The following EXT1 variants were observed in gnomAD, a reference collection of about 807,000 sequenced individuals.
The protein encoded by EXT1 is exostosin glycosyltransferase 1.
In EXT1, 20 loss-of-function variants were observed where a neutral mutation model predicts 82.5. The ratio of observed to expected loss-of-function variants is 0.24; its 90% CI spans 0.17 to 0.35. The LOEUF (loss-of-function observed/expected upper bound fraction) is 0.35, where lower values mean the gene tolerates loss of function less well. EXT1 is among the 10% of genes least tolerant of loss of function. The pLI, the probability that EXT1 is intolerant of heterozygous loss-of-function variation, is 1.00. For synonymous variants in EXT1, 348 were observed against 350.8 expected (o/e 0.99, Z 0.09); for missense variants, 757 against 936.5 (o/e 0.81, Z 2.50).
intron 1 of EXT1, among the ~76,000 whole-genome samples, chr8:117,994,710 G>A (rs1242439256): frequency 6.6e-6 from 1 of 152,194 alleles, no homozygotes; most frequent in African/African-American, 2.4e-5. Context: ...AGCTGTTTTA[G>A]TCAATCTAGA....
At chr8:118,053,047 C>T (rs1190687903) in intron 1 of EXT1, among the ~76,000 whole-genome samples, 3 of 152,186 alleles carry the variant, frequency 2.0e-5, no homozygotes, top group Non-Finnish European at 4.4e-5. Flanking sequence ...CTGGTCTCAC[C>T]ATCATCAGAG....
intron 1 of EXT1, among the ~76,000 whole-genome samples, chr8:117,895,037 T>G (rs570078151): frequency 6.6e-6 from 1 of 152,332 alleles, no homozygotes; most frequent in African/African-American, 2.4e-5. Flanking sequence ...GTTTGCTGTA[T>G]CAAATTGTCA....
At chr8:117,855,778 C>A (rs2129843930) in intron 1 of EXT1, among the ~76,000 whole-genome samples, 1 of 152,332 alleles carries the variant, frequency 6.6e-6, no homozygotes, top group South Asian at 2.1e-4. Context: ...AAGCGATTCT[C>A]CTGCCTCAGC....
At chr8:118,037,926 C>T (rs1050411982) in intron 1 of EXT1, among the ~76,000 whole-genome samples, 1 of 150,810 alleles carries the variant, frequency 6.6e-6, no homozygotes, top group Non-Finnish European at 1.5e-5. Flanking sequence ...CTGCAACCTC[C>T]GCCTCCCGAG....
At chr8:117,932,184 C>T (rs1361081951) in intron 1 of EXT1, among the ~76,000 whole-genome samples, 1 of 152,122 alleles carries the variant, frequency 6.6e-6, no homozygotes, top group African/African-American at 2.4e-5. Context: ...GCTTTAACTT[C>T]TAAATGTTAG....
chr8:117,851,622 C>CACACACAA (rs1812456824), intron 1 of EXT1, among the ~76,000 whole-genome samples: 2 of 84,366 alleles, frequency 2.4e-5, no homozygotes, highest in African/African-American at 6.7e-5. Context: ...GCTGGACACA[C>CACACACAA]ACACACACAC....
chr8:118,111,162 C>A lies in EXT1; in HGVS notation c.-116G>T. ...CCGCCTGTAAAGACTTCAAACTCTC[C>A]GCTCCCACCTTCTCTGGATGCCTTT... On this transcript the variant is annotated 5_prime_UTR_variant, in exon 1 of 11. Coordinates refer to ENST00000378204, the MANE Select transcript of EXT1 (RefSeq NM_000127.3). The A allele has an allele frequency of 1.4e-6, 2 of 1,411,336 alleles. No individual in the cohort carries two copies. Among genetic ancestry groups the A allele is most frequent in the Non-Finnish European group, 1.9e-6 (2 of 1,034,668 alleles). 87.4% of individuals were successfully genotyped at this position (1,411,336 alleles called of 1,614,324 possible). A position where few individuals can be genotyped will look rare whatever the true frequency, so the allele number is the denominator to read the frequency against.
rs187723552 is a variant in EXT1 at position 118,037,073 on chromosome 8, G to A, written c.962+73012C>T. ...AGAAACACTGGCCTCAAAAACACTCGAGAGACAATGGGAAAGAAAATTTCA... is the reference window on the plus strand; with the variant it reads ...AGAAACACTGGCCTCAAAAACACTCAAGAGACAATGGGAAAGAAAATTTCA... On this transcript the variant is annotated intron_variant, in intron 1 of 10. Coordinates refer to ENST00000378204, the MANE Select transcript of EXT1 (RefSeq NM_000127.3). Among the ~76,000 whole-genome samples the A allele has an allele frequency of 3.3e-5, 5 of 152,188 alleles. No individual in the cohort carries two copies. In the East Asian group the frequency reaches 7.7e-4, roughly 23 times the overall value.
intron 1 of EXT1, among the ~76,000 whole-genome samples, chr8:117,856,313 G>A (rs892791677): frequency 6.7e-6 from 1 of 149,720 alleles, no homozygotes; most frequent in African/African-American, 2.5e-5. Context: ...GGAGTGCAGT[G>A]GCGTGATCTC....
At chr8:117,926,797 C>T (rs1026200749) in intron 1 of EXT1, among the ~76,000 whole-genome samples, 1 of 152,104 alleles carries the variant, frequency 6.6e-6, no homozygotes, top group African/African-American at 2.4e-5. Flanking sequence ...GTTTATTTAC[C>T]TTCTATTTGG....
chr8:117,896,438 A>G (rs1813337434), intron 1 of EXT1, among the ~76,000 whole-genome samples: 1 of 152,236 alleles, frequency 6.6e-6, no homozygotes, highest in Admixed American at 6.5e-5. Flanking sequence ...AAGATAAGGG[A>G]GGAGGGAGTG....
At chr8:118,002,748 G>A (rs1302151892) in intron 1 of EXT1, among the ~76,000 whole-genome samples, 1 of 151,754 alleles carries the variant, frequency 6.6e-6, no homozygotes, top group Non-Finnish European at 1.5e-5. Context: ...GAGCCAGGAT[G>A]GTCTCGATTT....
intron 1 of EXT1, among the ~76,000 whole-genome samples, chr8:118,013,592 G>T (rs576626659): frequency 1.3e-5 from 2 of 152,218 alleles, no homozygotes; most frequent in Admixed American, 1.3e-4. Flanking sequence ...AACAGAATGT[G>T]GCACATAGAA....
chr8:118,066,626 G>A (rs1262474366), intron 1 of EXT1, among the ~76,000 whole-genome samples: 2 of 152,156 alleles, frequency 1.3e-5, no homozygotes, highest in Non-Finnish European at 2.9e-5. Flanking sequence ...CTCGTAAATT[G>A]CTGGGATTAC....
At chr8:117,960,958 G>C (rs540569239) in intron 1 of EXT1, among the ~76,000 whole-genome samples, 45 of 152,258 alleles carry the variant, frequency 3.0e-4, no homozygotes, top group African/African-American at 1.0e-3. Flanking sequence ...GGTGATTCTA[G>C]TATCAAAAAA....
chr8:117,932,993 C>T (rs901338487), intron 1 of EXT1, among the ~76,000 whole-genome samples: 8 of 152,150 alleles, frequency 5.3e-5, no homozygotes, highest in Non-Finnish European at 1.2e-4. Flanking sequence ...CCATACTGGC[C>T]CCCTTCTGTT....
At chr8:117,847,482 C>G (rs1812381275) in intron 1 of EXT1, among the ~76,000 whole-genome samples, 1 of 152,128 alleles carries the variant, frequency 6.6e-6, no homozygotes, top group Non-Finnish European at 1.5e-5. Context: ...TTTCACCAGC[C>G]CTGACAAATA....
intron 1 of EXT1, among the ~76,000 whole-genome samples, chr8:117,944,672 A>T (rs1335797448): frequency 6.6e-6 from 1 of 152,212 alleles, no homozygotes; most frequent in Non-Finnish European, 1.5e-5. Context: ...AAAAACTCAA[A>T]TATGGTTGAA....
intron 1 of EXT1, among the ~76,000 whole-genome samples, chr8:118,065,389 C>T (rs997734342): frequency 4.6e-5 from 7 of 152,140 alleles, no homozygotes; most frequent in South Asian, 4.1e-4. Flanking sequence ...GAAGTGGATA[C>T]AAGGAAAGAT....
Sources: allele counts gnomAD v4.1 joint callset (sites outside exome capture counted in the v4.1 genomes callset), GRCh38; gene constraint gnomAD v4.1.1; transcripts MANE v1.5; gene names NCBI Gene and HGNC (gene_info 2026-07-23, HGNC 2026-07-21).